The following ELAVL2 variants were observed in gnomAD, a reference collection of about 807,000 sequenced individuals.
ELAVL2 encodes the protein ELAV-like protein 2.
ELAVL2 carries 4 observed loss-of-function variants against 34.6 expected under a neutral mutation model. That is an observed-to-expected ratio of 0.12 (90% CI 0.06 to 0.26). The LOEUF is 0.26. ELAVL2 is among the 10% of genes least tolerant of loss of function. The pLI, the probability that ELAVL2 is intolerant of heterozygous loss-of-function variation, is 1.00. For synonymous variants in ELAVL2, 193 were observed against 154.8 expected (o/e 1.25, Z -1.83); for missense variants, 432 against 442.8 (o/e 0.98, Z 0.22).
At chr9:23,794,935 AAAG>A (rs1471087410) in intron 1 of ELAVL2, among the ~76,000 whole-genome samples, 1 of 152,220 alleles carries the variant, frequency 6.6e-6, no homozygotes, top group African/African-American at 2.4e-5. Context: ...AACTAAAGCT[AAAG>A]AAGATGAACA....
the ELAVL2 span, among the ~76,000 whole-genome samples, chr9:23,849,060 C>T: frequency 5.9e-5 from 9 of 152,126 alleles, no homozygotes; most frequent in African/African-American, 2.2e-4. Context: ...TGTCTTTTAC[C>T]AAACTTAGAA....
intron 3 of ELAVL2, among the ~76,000 whole-genome samples, chr9:23,711,790 T>C (rs1161407062): frequency 1.3e-5 from 2 of 152,186 alleles, no homozygotes; most frequent in African/African-American, 2.4e-5. Flanking sequence ...AGAAACCTTG[T>C]CATCATCCTA....
intron 3 of ELAVL2, among the ~76,000 whole-genome samples, chr9:23,706,459 G>C (rs1286786537): frequency 2.0e-5 from 3 of 152,198 alleles, no homozygotes; most frequent in African/African-American, 7.2e-5. Flanking sequence ...GTCAGTTCAA[G>C]TCATCCAGAT....
intron 3 of ELAVL2, among the ~76,000 whole-genome samples, chr9:23,713,386 C>T (rs544041631): frequency 8.9e-4 from 136 of 152,280 alleles, no homozygotes; most frequent in Non-Finnish European, 1.6e-3. Context: ...ATGGTAGTGG[C>T]AGTAGGCTAG....
chr9:23,723,432 G>C (rs2044259083), intron 3 of ELAVL2, among the ~76,000 whole-genome samples: 1 of 151,944 alleles, frequency 6.6e-6, no homozygotes, highest in African/African-American at 2.4e-5. Flanking sequence ...GGGGACGGGG[G>C]AGGGATAGCA....
At chr9:23,807,828 T>C (rs2062437434) in intron 1 of ELAVL2, among the ~76,000 whole-genome samples, 1 of 152,190 alleles carries the variant, frequency 6.6e-6, no homozygotes, top group Non-Finnish European at 1.5e-5. Context: ...CAAATACTGA[T>C]AATATTTCAA....
intron 1 of ELAVL2, among the ~76,000 whole-genome samples, chr9:23,814,001 A>C (rs932030050): frequency 2.0e-5 from 3 of 152,164 alleles, no homozygotes; most frequent in Non-Finnish European, 4.4e-5. Context: ...CAGTCGATAA[A>C]TGTGGACTCC....
intron 3 of ELAVL2, among the ~76,000 whole-genome samples, chr9:23,705,827 G>A (rs953522035): frequency 6.6e-6 from 1 of 152,174 alleles, no homozygotes; most frequent in Non-Finnish European, 1.5e-5. Context: ...CCACGGACTG[G>A]TATGGGTCCA....
intron 1 of ELAVL2, chr9:23,765,188 G>T: frequency 8.3e-7 from 1 of 1,205,298 alleles, no homozygotes; most frequent in Non-Finnish European, 1.2e-6. Context: ...TGATTGTATT[G>T]ATATTCCCAG....
chr9:23,842,838 T>C, the ELAVL2 span, among the ~76,000 whole-genome samples: 1 of 152,148 alleles, frequency 6.6e-6, no homozygotes, highest in African/African-American at 2.4e-5. Context: ...TACATATCAG[T>C]GTTAGAATGA....
the ELAVL2 span, among the ~76,000 whole-genome samples, chr9:23,832,974 A>C: frequency 3.5e-3 from 527 of 152,206 alleles, 4 homozygotes; most frequent in African/African-American, 0.012. Context: ...TAAGCAAATA[A>C]ATATAGGTCA....
chr9:23,804,803 G>T (rs1348842326), intron 1 of ELAVL2, among the ~76,000 whole-genome samples: 1 of 152,094 alleles, frequency 6.6e-6, no homozygotes, highest in Non-Finnish European at 1.5e-5. Context: ...CAGCCACAAG[G>T]TCACAGTCAC....
chr9:23,714,292 G>GA (rs2041761404), intron 3 of ELAVL2, among the ~76,000 whole-genome samples: 1 of 152,126 alleles, frequency 6.6e-6, no homozygotes, highest in Non-Finnish European at 1.5e-5. Context: ...AGGAGACGTG[G>GA]CACAAGAACA....
chr9:23,755,886 A>T (rs1381068352), intron 2 of ELAVL2, among the ~76,000 whole-genome samples: 1 of 152,188 alleles, frequency 6.6e-6, no homozygotes, highest in East Asian at 1.9e-4. Context: ...TCTTGATACT[A>T]TGGACATTTC....
rs191665481 is a variant in ELAVL2 at position 23,804,619 on chromosome 9, G to A, written c.-16+21187C>T. Among the ~76,000 whole-genome samples, 155 of 152,290 alleles carry A rather than the reference G, an allele frequency of 1.0e-3. 1 individual carries two copies. The highest frequency in any genetic ancestry group is 1.8e-3 in the Non-Finnish European group (123 of 68,010). The stretch of plus-strand genomic sequence containing the variant: ...AAGCAAAAATGTAAATTTAAAGATA[G>A]AAATTGCTGGTTTGTAGTCTATTTG... On this transcript the variant is annotated intron_variant, in intron 1 of 6. Transcript: ENST00000397312.
At chr9:23,810,990 T>G (rs986441101) in intron 1 of ELAVL2, among the ~76,000 whole-genome samples, 1 of 152,186 alleles carries the variant, frequency 6.6e-6, no homozygotes. Flanking sequence ...CACTGCTAAC[T>G]TGACTGTCCA....
chr9:23,780,297 C>G (rs571677078), intron 1 of ELAVL2, among the ~76,000 whole-genome samples: 1 of 152,172 alleles, frequency 6.6e-6, no homozygotes, highest in African/African-American at 2.4e-5. Flanking sequence ...AGAGAATTTT[C>G]TAAACAGAAT....
Position 23,692,846 on chromosome 9 carries a change from G to C in ELAVL2, c.791C>G (p.Ala264Gly). The C allele has an allele frequency of 6.2e-7, 1 of 1,614,044 alleles. No individual in the cohort carries two copies. The highest frequency in any genetic ancestry group is 8.5e-7 in the Non-Finnish European group (1 of 1,179,982). ...PMTIDGMTSL[A>G]GINIPGHPGT... The stretch of plus-strand genomic sequence containing the variant: ...AGGGTGCCCAGGGATATTAATTCCA[G>C]CCAAACTGGTCATTCCGTCAATGGT... Residue 264 changes from alanine (A) to glycine (G), a missense_variant, in exon 7 of 7, where the codon GCT becomes GGT. Ala to Gly is a moderately conservative substitution (Grantham distance 60). Around this residue, in one of 3 missense-constraint regions of ELAVL2, gnomAD observed 295 missense variants for 306.1 expected, o/e 0.96. Transcript: ENST00000397312.
intron 1 of ELAVL2, among the ~76,000 whole-genome samples, chr9:23,813,412 C>CTTT (rs559247550): frequency 6.0e-5 from 8 of 132,880 alleles, no homozygotes; most frequent in Admixed American, 3.0e-4. Context: ...CTCATATCGG[C>CTTT]TTTTTTTTTT....
Sources: allele counts gnomAD v4.1 joint callset (sites outside exome capture counted in the v4.1 genomes callset), GRCh38; gene constraint gnomAD v4.1.1; regional missense constraint gnomAD v4.1.1; transcripts MANE v1.5; gene names NCBI Gene and HGNC (gene_info 2026-07-23, HGNC 2026-07-21).